LOC102723971: variants seen among roughly 807,000 people sequenced by gnomAD.
At chr9:135,618,384 G>A in the LOC102723971 span, among the ~76,000 whole-genome samples, 4 of 151,818 alleles carry the variant, frequency 2.6e-5, no homozygotes, top group East Asian at 1.9e-4. Context: ...GCCTCCCAAC[G>A]CATCATTCAG....
At chr9:135,617,733 G>A in the LOC102723971 span, among the ~76,000 whole-genome samples, 1 of 152,166 alleles carries the variant, frequency 6.6e-6, no homozygotes, top group Non-Finnish European at 1.5e-5. Flanking sequence ...GGCAAGGTTG[G>A]GGCCGGTGCA....
the LOC102723971 span, chr9:135,616,610 C>A: frequency 2.5e-6 from 1 of 398,744 alleles, no homozygotes; most frequent in East Asian, 3.6e-5. Flanking sequence ...TGTAAAGAAA[C>A]AAACATCACC....
the LOC102723971 span, among the ~76,000 whole-genome samples, chr9:135,617,224 G>T: frequency 6.6e-6 from 1 of 152,176 alleles, no homozygotes; most frequent in Admixed American, 6.5e-5. Context: ...CCTCAGGGAG[G>T]GTGTCCCCAT....
the LOC102723971 span, among the ~76,000 whole-genome samples, chr9:135,616,158 C>G: frequency 1.3e-5 from 2 of 152,100 alleles, no homozygotes; most frequent in Non-Finnish European, 2.9e-5. Context: ...TGCACGGAGG[C>G]AGGAGCATGG....
At chr9:135,618,082 G>C in the LOC102723971 span, 1 of 398,704 alleles carries the variant, frequency 2.5e-6, no homozygotes, top group Non-Finnish European at 4.4e-6. Flanking sequence ...GGAGCCGGAC[G>C]GGAAGAGGGC....
the LOC102723971 span, chr9:135,618,803 G>A: frequency 5.0e-6 from 2 of 397,634 alleles, no homozygotes; most frequent in East Asian, 3.6e-5. Context: ...AACATGGGGA[G>A]GCAGAAGGCC....
the LOC102723971 span, among the ~76,000 whole-genome samples, chr9:135,615,779 C>T: frequency 1.6e-4 from 25 of 152,150 alleles, no homozygotes; most frequent in African/African-American, 4.1e-4. Context: ...TTTAAATGTG[C>T]GATCTCCAGT....
the LOC102723971 span, chr9:135,615,393 C>A: frequency 2.5e-6 from 1 of 398,784 alleles, no homozygotes. Context: ...CTGCAGCTGG[C>A]AGCCAACCAC....
chr9:135,619,115 T>C, the LOC102723971 span, among the ~76,000 whole-genome samples: 1 of 152,108 alleles, frequency 6.6e-6, no homozygotes, highest in Non-Finnish European at 1.5e-5. Flanking sequence ...GCTCCCCAGC[T>C]GAGCCCAACC....
the LOC102723971 span, among the ~76,000 whole-genome samples, chr9:135,619,885 ATCTCCCCCGTCTCCCCCTTCTCCCCTG>A: frequency 9.3e-4 from 15 of 16,126 alleles, no homozygotes; most frequent in East Asian, 0.015. Flanking sequence ...CTTCTCCCCA[ATCTCCCCCGTCTCCCCCTTCTCCCCTG>A]TCTCCCCCAT....
At chr9:135,615,400 C>T in the LOC102723971 span, 2 of 398,828 alleles carry the variant, frequency 5.0e-6, no homozygotes, top group Admixed American at 4.4e-5. Flanking sequence ...TGGCAGCCAA[C>T]CACGCAGACC....
At chr9:135,616,829 C>G in the LOC102723971 span, 10 of 398,376 alleles carry the variant, frequency 2.5e-5, no homozygotes, top group Non-Finnish European at 3.1e-5. Flanking sequence ...TTGCAATGTC[C>G]ACAGGGCATG....
At chr9:135,617,460 C>G in the LOC102723971 span, among the ~76,000 whole-genome samples, 4 of 152,020 alleles carry the variant, frequency 2.6e-5, no homozygotes, top group Non-Finnish European at 4.4e-5. Context: ...CTGCAGTGTC[C>G]TGAAGACGAG....
the LOC102723971 span, among the ~76,000 whole-genome samples, chr9:135,615,823 C>G: frequency 1.3e-5 from 2 of 152,158 alleles, no homozygotes; most frequent in Admixed American, 6.5e-5. Flanking sequence ...ACATCCCTCT[C>G]CCAAGGACCA....
chr9:135,615,330 G>C, the LOC102723971 span: 2 of 397,992 alleles, frequency 5.0e-6, no homozygotes, highest in Non-Finnish European at 8.9e-6. Flanking sequence ...GGCGCTAGCT[G>C]GCCTCCTCTG....
At chr9:135,614,647 G>A in the LOC102723971 span, among the ~76,000 whole-genome samples, 3 of 152,204 alleles carry the variant, frequency 2.0e-5, no homozygotes, top group African/African-American at 4.8e-5. Context: ...CAGGGCGGCA[G>A]CCGGAGAAAC....
chr9:135,617,267 G>A, the LOC102723971 span, among the ~76,000 whole-genome samples: 12 of 152,328 alleles, frequency 7.9e-5, no homozygotes, highest in East Asian at 3.9e-4. Context: ...GCTACAAGGC[G>A]GGCATTGCTC....
chr9:135,618,381 A>G, the LOC102723971 span, among the ~76,000 whole-genome samples: 1 of 151,762 alleles, frequency 6.6e-6, no homozygotes, highest in Non-Finnish European at 1.5e-5. Context: ...GCTGCCTCCC[A>G]ACGCATCATT....
the LOC102723971 span, chr9:135,617,934 C>A: frequency 2.5e-6 from 1 of 398,540 alleles, no homozygotes; most frequent in Non-Finnish European, 4.4e-6. Flanking sequence ...TCACTGTCAG[C>A]CCCTCTGATT....
Sources: gnomAD v4.1 joint callset for allele counts (sites outside exome capture counted in the v4.1 genomes callset) on GRCh38, gnomAD v4.1.1 for gene constraint, MANE v1.5 for transcripts.